Variants in YWHAZ observed in about 807,000 individuals in gnomAD.
YWHAZ encodes 14-3-3 protein zeta/delta.
For synonymous variants in YWHAZ, 87 were observed against 103.6 expected (o/e 0.84, Z 0.97); for missense variants, 79 against 284.8 (o/e 0.28, Z 5.20).
chr8:100,939,814 G>A lies in YWHAZ; in HGVS notation c.294+8782C>T, dbSNP rs113719664. On this transcript the variant is annotated intron_variant, in intron 2 of 5. Coordinates refer to ENST00000395958, the MANE Select transcript of YWHAZ (RefSeq NM_145690.3). ...AGGCAGGCGGATCACGAGGTTAGGA[G>A]ATCGAGACCAACCTGGCTAACCTGG... is the stretch of plus-strand genomic sequence containing the variant. Among the ~76,000 whole-genome samples the A allele has an allele frequency of 2.7e-3, 405 of 152,286 alleles. 1 individual carries two copies. Among genetic ancestry groups the A allele is most frequent in the African/African-American group, 8.8e-3 (367 of 41,560 alleles).
chr8:100,935,608 AC>A (rs1247001903), intron 2 of YWHAZ, among the ~76,000 whole-genome samples: 1 of 152,222 alleles, frequency 6.6e-6, no homozygotes, highest in Non-Finnish European at 1.5e-5. Flanking sequence ...CAGGCTAAGC[AC>A]CTCCTAATAT....
At position 100,918,444 on chromosome 8, in the gene YWHAZ, A is replaced by ATATATATATATATATATAT. The variant is rs57486163; in HGVS notation, c.*2248_*2249insATATATATATATATATATA. On this transcript the variant is annotated 3_prime_UTR_variant, in exon 6 of 6. Coordinates refer to ENST00000395958, the MANE Select transcript of YWHAZ (RefSeq NM_145690.3). Reference sequence around the variant, plus strand: ...TATATATATATATATATATATATATAATTATTTTACCTCCTTGGCTTGGGG... The same window carrying ATATATATATATATATATAT: ...TATATATATATATATATATATATATATATATATATATATATATATATTATTTTACCTCCTTGGCTTGGGG... 1.4e-3 allele frequency: 154 copies of ATATATATATATATATATAT among 108,734 alleles called. No individual in the cohort carries two copies. Among genetic ancestry groups the ATATATATATATATATATAT allele is most frequent in the Non-Finnish European group, 2.0e-3 (108 of 53,616 alleles). The allele number at this position is 108,734 out of a possible 1,614,324, so 6.7% of individuals were successfully genotyped here. A position where few individuals can be genotyped will look rare whatever the true frequency, so the allele number is the denominator to read the frequency against.
rs1813097244 is a variant in YWHAZ at position 100,922,508 on chromosome 8, C to T, written c.678+1447G>A. 1 of 152,156 alleles carries T rather than the reference C, an allele frequency of 6.6e-6. No individual in the cohort carries two copies. Among genetic ancestry groups the T allele is most frequent in the Non-Finnish European group, 1.5e-5 (1 of 68,130 alleles). 9.4% of individuals were successfully genotyped at this position (152,156 alleles called of 1,614,324 possible). ...TTCAAGCAATTCTCTTCCTCAGCCTCCCGAGTAGCTGGGATTACAGGTGCC... is the reference window on the plus strand; with the variant it reads ...TTCAAGCAATTCTCTTCCTCAGCCTTCCGAGTAGCTGGGATTACAGGTGCC... On this transcript the variant is annotated intron_variant, in intron 5 of 5. Transcript: ENST00000395958. The surrounding 1 kb of genome is among the most constrained non-coding windows in gnomAD (Gnocchi z 4.1).
At chr8:100,950,665 G>GA in intron 1 of YWHAZ, 1 of 888,044 alleles carries the variant, frequency 1.1e-6, no homozygotes, top group Non-Finnish European at 1.3e-6. Flanking sequence ...CGTGGGGGGG[G>GA]GGGAGAGATG....
chr8:100,928,551 G>A (rs1239536978), intron 2 of YWHAZ, among the ~76,000 whole-genome samples: 1 of 151,818 alleles, frequency 6.6e-6, no homozygotes. Flanking sequence ...GGCCAACACG[G>A]TAAAACCTCG....
chr8:100,945,477 G>A (rs1302754230), intron 2 of YWHAZ, among the ~76,000 whole-genome samples: 3 of 151,954 alleles, frequency 2.0e-5, no homozygotes, highest in Admixed American at 6.6e-5. Flanking sequence ...TATTATTTCT[G>A]CAAAGGGACA....
In YWHAZ at chr8:100,924,520, ATTG is replaced by A. The variant is rs939826905; in HGVS notation, c.419-225_419-223del. Among the ~76,000 whole-genome samples the A allele has an allele frequency of 3.3e-5, 5 of 151,812 alleles. No individual in the cohort carries two copies. Among genetic ancestry groups the A allele is most frequent in the African/African-American group, 7.3e-5 (3 of 41,278 alleles). Reference sequence around the variant, plus strand: ...GATAAAACAACTTTATAATCTCATTATTGTTATGTTTTTAAAAAATTGACGAGT... The same window carrying A: ...GATAAAACAACTTTATAATCTCATTATTATGTTTTTAAAAAATTGACGAGT... On this transcript the variant is annotated intron_variant, in intron 3 of 5. Transcript: ENST00000395958. This position sits in a 1 kb window ranked among gnomAD's most constrained non-coding sequence, Gnocchi z 5.7.
chr8:100,919,426 A>G lies in YWHAZ; in HGVS notation c.*1267T>C, dbSNP rs985513748. On this transcript the variant is annotated 3_prime_UTR_variant, in exon 6 of 6. Transcript: ENST00000395958. ...CAAAATTTTAAATGGAACACACTAC[A>G]TTTTTTTCTAATCAATCCCCCCCTC... The G allele has an allele frequency of 1.3e-4, 20 of 152,492 alleles. No individual in the cohort carries two copies. The highest frequency in any genetic ancestry group is 2.8e-4 in the Non-Finnish European group (19 of 67,982). The allele number at this position is 152,492 out of a possible 1,614,324, so 9.4% of individuals were successfully genotyped here. A position where few individuals can be genotyped will look rare whatever the true frequency, so the allele number is the denominator to read the frequency against.
intron 2 of YWHAZ, among the ~76,000 whole-genome samples, chr8:100,945,228 G>A (rs17366023): frequency 0.059 from 9,049 of 152,196 alleles, 288 homozygotes; most frequent in African/African-American, 0.08. Flanking sequence ...ACCACTTCCC[G>A]CCATAATGCT....
At chr8:100,929,001 G>A (rs1813570513) in intron 2 of YWHAZ, among the ~76,000 whole-genome samples, 2 of 152,204 alleles carry the variant, frequency 1.3e-5, no homozygotes, top group South Asian at 4.1e-4. Flanking sequence ...TCACATAAAG[G>A]TAAAACAGGA....
intron 2 of YWHAZ, among the ~76,000 whole-genome samples, chr8:100,944,620 T>C (rs1419822103): frequency 6.6e-6 from 1 of 152,202 alleles, no homozygotes; most frequent in Non-Finnish European, 1.5e-5. Context: ...CCCACAAAAA[T>C]ACACAATTTT....
upstream of YWHAZ, chr8:100,952,761 C>T (rs1395471626): frequency 2.0e-6 from 2 of 993,848 alleles, no homozygotes; most frequent in African/African-American, 1.8e-5. Flanking sequence ...GTGCGCTGCC[C>T]CCCGCCCCGC....
rs1245657544 is a variant in YWHAZ, at chr8:100,918,439, T to TA, written c.*2253dup. ...ATATATATATATATATATATATATA[T>TA]ATATAATTATTTTACCTCCTTGGCT... is the stretch of plus-strand genomic sequence containing the variant. On this transcript the variant is annotated 3_prime_UTR_variant, in exon 6 of 6. Coordinates refer to ENST00000395958, the MANE Select transcript of YWHAZ (RefSeq NM_145690.3). 2.6e-5 allele frequency: 3 copies of TA among 115,604 alleles called. No individual in the cohort carries two copies. Among genetic ancestry groups the TA allele is most frequent in the African/African-American group, 9.8e-5 (3 of 30,652 alleles). 7.2% of individuals were successfully genotyped at this position (115,604 alleles called of 1,614,324 possible).
Position 100,948,053 on chromosome 8 carries a change from T to C in YWHAZ, c.294+543A>G, listed in dbSNP as rs999986050. The C allele has an allele frequency of 7.3e-6, 11 of 1,500,034 alleles. No homozygotes were observed. Among genetic ancestry groups the C allele is most frequent in the East Asian group, 2.5e-5 (1 of 40,640 alleles). The allele number at this position is 1,500,034 out of a possible 1,614,324, so 92.9% of individuals were successfully genotyped here. ...TTGAGTTGTTCATAACCTTTCATCA[T>C]GGTTGTGAGTGTTCAAAATTTACCT... On this transcript the variant is annotated intron_variant, in intron 2 of 5. Transcript: ENST00000395958. This position sits in a 1 kb window ranked among gnomAD's most constrained non-coding sequence, Gnocchi z 4.2.
Position 100,918,408 on chromosome 8 carries a change from T to TTATATATATATATATATATG in YWHAZ, c.*2284_*2285insCATATATATATATATATATA, listed in dbSNP as rs1812800162. On this transcript the variant is annotated 3_prime_UTR_variant, in exon 6 of 6. Transcript: ENST00000395958. ...AGTCTAGCTATAAAATATAATTACT[T>TTATATATATATATATATATG]TATATATATATATATATATATATAT... is the stretch of plus-strand genomic sequence containing the variant. The TTATATATATATATATATATG allele has an allele frequency of 2.4e-5, 1 of 41,882 alleles. No individual in the cohort carries two copies. The allele number at this position is 41,882 out of a possible 1,614,324, so 2.6% of individuals were successfully genotyped here. A position where few individuals can be genotyped will look rare whatever the true frequency, so the allele number is the denominator to read the frequency against.
intron 2 of YWHAZ, among the ~76,000 whole-genome samples, chr8:100,938,465 C>T (rs191773084): frequency 1.2e-3 from 183 of 152,268 alleles, no homozygotes; most frequent in African/African-American, 4.3e-3. Flanking sequence ...TTATGTAAAA[C>T]TCCCAGTTTA....
At chr8:100,928,801 G>A (rs1474607582) in intron 2 of YWHAZ, among the ~76,000 whole-genome samples, 3 of 151,968 alleles carry the variant, frequency 2.0e-5, no homozygotes, top group Non-Finnish European at 4.4e-5. Context: ...TAGAAAGGAC[G>A]TTATTCCACA....
At chr8:100,938,277 TAA>T (rs1278644825) in intron 2 of YWHAZ, among the ~76,000 whole-genome samples, 1 of 152,194 alleles carries the variant, frequency 6.6e-6, no homozygotes, top group Non-Finnish European at 1.5e-5. Context: ...GATACTACAT[TAA>T]GAGACTACAA....
rs533131861 is a variant in YWHAZ, at chr8:100,948,851, G to A, written c.39C>T (p.Ala13=). 3.1e-6 allele frequency: 5 copies of A among 1,597,754 alleles called. No homozygotes were observed. The highest frequency in any genetic ancestry group is 3.3e-5 in the Admixed American group (2 of 59,962). The stretch of plus-strand genomic sequence containing the variant: ...TGTCATCATATCGCTCAGCCTGCTC[G>A]GCCAGTTTGGCCTTCTGAACCAGCT... ...KNELVQKAKL[A]EQAERYDDMA... Residue 13 remains alanine, a synonymous_variant, in exon 2 of 6, where the codon GCC becomes GCT. Coordinates refer to ENST00000395958, the MANE Select transcript of YWHAZ (RefSeq NM_145690.3). This position sits in a 1 kb window ranked among gnomAD's most constrained non-coding sequence, Gnocchi z 4.2.
Sources: allele counts gnomAD v4.1 joint callset (sites outside exome capture counted in the v4.1 genomes callset), GRCh38; gene constraint gnomAD v4.1.1; non-coding constraint Gnocchi (gnomAD v3.1); transcripts MANE v1.5; gene names NCBI Gene and HGNC (gene_info 2026-07-23, HGNC 2026-07-21).